Variants in PCCA observed in about 807,000 individuals in gnomAD.
The protein encoded by PCCA is propionyl-CoA carboxylase alpha chain, mitochondrial.
PCCA carries 74 observed loss-of-function variants against 101.3 expected under a neutral mutation model. The observed-to-expected ratio is 0.73, with a 90% CI of 0.61 to 0.89. The LOEUF (loss-of-function observed/expected upper bound fraction) is 0.89, where lower values mean the gene tolerates loss of function less well. Ranked by LOEUF, PCCA falls within the 40% of genes least tolerant of loss-of-function variation. The probability of loss-of-function intolerance (pLI) is 0.00; values close to 1 mark genes in which losing one functional copy is unlikely to be tolerated. For synonymous variants in PCCA, 294 were observed against 313.6 expected (o/e 0.94, Z 0.66); for missense variants, 891 against 907.0 (o/e 0.98, Z 0.23).
chr13:100,291,399 C>A (rs2065108111), intron 12 of PCCA, among the ~76,000 whole-genome samples: 2 of 152,190 alleles, frequency 1.3e-5, no homozygotes, highest in Admixed American at 1.3e-4. Context: ...GGACCAATCC[C>A]CTGGGGAGAT....
At chr13:100,419,480 AAAAAAG>A (rs971534711) in intron 19 of PCCA, among the ~76,000 whole-genome samples, 1 of 152,110 alleles carries the variant, frequency 6.6e-6, no homozygotes, top group African/African-American at 2.4e-5. Flanking sequence ...TCAAAAAAAA[AAAAAAG>A]AAAAGAAAAG....
intron 14 of PCCA, among the ~76,000 whole-genome samples, chr13:100,304,225 G>C (rs1229224507): frequency 6.6e-6 from 1 of 152,172 alleles, no homozygotes; most frequent in Non-Finnish European, 1.5e-5. Context: ...GCAGTTGTGA[G>C]CCATCCATAG....
chr13:100,505,115 T>G (rs1283364022), intron 21 of PCCA, among the ~76,000 whole-genome samples: 1 of 152,170 alleles, frequency 6.6e-6, no homozygotes, highest in Non-Finnish European at 1.5e-5. Flanking sequence ...GCCTGGAGAT[T>G]TTCTGTAAGA....
chr13:100,424,440 A>G (rs2079012481), intron 19 of PCCA, among the ~76,000 whole-genome samples: 1 of 152,134 alleles, frequency 6.6e-6, no homozygotes, highest in Non-Finnish European at 1.5e-5. Context: ...TCAGAACTTC[A>G]GGATTCCTAT....
In PCCA at chr13:100,422,511, A is replaced by G. The variant is rs367925357; in HGVS notation, c.1747-3122A>G. 8.7e-4 allele frequency among the ~76,000 whole-genome samples: 133 copies of G among 152,228 alleles called. 4 individuals are homozygous for G. The South Asian group carries it at 0.025, about 28-fold the overall frequency. On this transcript the variant is annotated intron_variant, in intron 19 of 23. Coordinates refer to ENST00000376285, the MANE Select transcript of PCCA (RefSeq NM_000282.4). ...AATTCCAGGTTTTACTTATTTTGAC[A>G]AGTTTTATCCTGTTATGTATCTTTG...
intron 2 of PCCA, among the ~76,000 whole-genome samples, chr13:100,105,700 G>C (rs1427748207): frequency 2.0e-5 from 3 of 149,648 alleles, no homozygotes; most frequent in African/African-American, 7.3e-5. Context: ...AAATTAGCTG[G>C]GTGTGGTGGC....
chr13:100,398,693 A>G (rs866290563), intron 19 of PCCA, among the ~76,000 whole-genome samples: 1 of 152,268 alleles, frequency 6.6e-6, no homozygotes, highest in South Asian at 2.1e-4. Flanking sequence ...CTGTTGAGGA[A>G]AAGTAGCAAT....
At chr13:100,133,361 C>T (rs1594277101) in intron 4 of PCCA, among the ~76,000 whole-genome samples, 2 of 152,134 alleles carry the variant, frequency 1.3e-5, no homozygotes, top group African/African-American at 4.8e-5. Context: ...TTTTTGTCCT[C>T]TTGACAGTGT....
intron 19 of PCCA, among the ~76,000 whole-genome samples, chr13:100,370,177 A>G (rs1399487020): frequency 7.7e-6 from 1 of 130,510 alleles, no homozygotes; most frequent in Non-Finnish European, 1.6e-5. Context: ...TCTTCCTCCC[A>G]GGTTCAAGTG....
rs569550170 is a variant in PCCA, at chr13:100,180,177, G to A, written c.468+22837G>A. ...GCACTTCTGTATCACTGTAACAACA[G>A]TGCATATCAGACTGAAGAACTATGT... On this transcript the variant is annotated intron_variant, in intron 6 of 23. Transcript: ENST00000376285. Among the ~76,000 whole-genome samples, 6 of 152,286 alleles carry A rather than the reference G, an allele frequency of 3.9e-5. No homozygotes were observed. The South Asian group carries it at 1.2e-3, about 32-fold the overall frequency.
intron 12 of PCCA, among the ~76,000 whole-genome samples, chr13:100,300,696 A>T (rs2065994051): frequency 6.6e-6 from 1 of 152,236 alleles, no homozygotes; most frequent in South Asian, 2.1e-4. Context: ...AGAATTTCTA[A>T]GTGATCGACC....
intron 21 of PCCA, among the ~76,000 whole-genome samples, chr13:100,488,847 A>G (rs2084643610): frequency 6.6e-6 from 1 of 151,964 alleles, no homozygotes; most frequent in East Asian, 1.9e-4. Context: ...AACTTTTCCC[A>G]GTTTTCCCCT....
chr13:100,160,998 A>G (rs954451071), intron 6 of PCCA: 15 of 152,290 alleles, frequency 9.8e-5, no homozygotes, highest in Non-Finnish European at 8.8e-5. Flanking sequence ...ATACACGTAT[A>G]TGTAGATGGA....
chr13:100,245,337 C>G (rs1297497768), intron 8 of PCCA, among the ~76,000 whole-genome samples: 1 of 152,144 alleles, frequency 6.6e-6, no homozygotes, highest in African/African-American at 2.4e-5. Context: ...AGATTCTGAA[C>G]TAGATTCCTT....
At chr13:100,098,555 G>A (rs956059011) in intron 1 of PCCA, among the ~76,000 whole-genome samples, 20 of 152,276 alleles carry the variant, frequency 1.3e-4, no homozygotes, top group African/African-American at 4.8e-4. Context: ...TATAGTTGAG[G>A]AACATGGTCG....
chr13:100,421,577 C>G (rs1367457607), intron 19 of PCCA, among the ~76,000 whole-genome samples: 1 of 147,134 alleles, frequency 6.8e-6, no homozygotes, highest in Non-Finnish European at 1.5e-5. Context: ...ACAACATTTC[C>G]TTTTTTTTTT....
intron 21 of PCCA, among the ~76,000 whole-genome samples, chr13:100,465,325 G>A (rs973129426): frequency 6.6e-6 from 1 of 152,196 alleles, no homozygotes; most frequent in Admixed American, 6.5e-5. Context: ...CCAAGCTTAG[G>A]AGCAGTGTTC....
chr13:100,480,013 C>G (rs1194927610), intron 21 of PCCA, among the ~76,000 whole-genome samples: 1 of 152,152 alleles, frequency 6.6e-6, no homozygotes, highest in African/African-American at 2.4e-5. Flanking sequence ...AGCCCTGGGA[C>G]TAGATCTAAT....
chr13:100,142,322 C>T (rs1487209071), intron 4 of PCCA, among the ~76,000 whole-genome samples: 1 of 152,110 alleles, frequency 6.6e-6, no homozygotes, highest in Non-Finnish European at 1.5e-5. Flanking sequence ...TGGATTATAG[C>T]CCTTCATTCA....
Sources: allele counts gnomAD v4.1 joint callset (sites outside exome capture counted in the v4.1 genomes callset), GRCh38; gene constraint gnomAD v4.1.1; transcripts MANE v1.5; gene names NCBI Gene and HGNC (gene_info 2026-07-23, HGNC 2026-07-21).